ASPSCR1: variants seen among roughly 807,000 people sequenced by gnomAD.
ASPSCR1 encodes tether containing UBX domain for GLUT4.
A neutral mutation model predicts 68.9 loss-of-function variants in ASPSCR1; 55 were observed. The observed-to-expected ratio is 0.80, with a 90% CI of 0.64 to 1.00. ASPSCR1 has a LOEUF of 1.00. Among genes scored for constraint, ASPSCR1 ranks in the 50% least tolerant of loss-of-function variants. ASPSCR1 has a pLI of 0.00. For synonymous variants in ASPSCR1, 352 were observed against 332.6 expected, an observed-to-expected ratio of 1.06 and a Z score of -0.63; for missense variants, 765 against 762.2, an observed-to-expected ratio of 1.00 and a Z score of -0.04.
At chr17:82,012,040 G>GC (rs1435933369) in intron 11 of ASPSCR1, 191 bp from the exon 12 acceptor site, 9 of 732,756 alleles carry the variant, frequency 1.2e-5, no homozygotes, top group South Asian at 6.3e-5. Flanking sequence ...AGGTGGGCCT[G>GC]CCCCCCACCG....
At position 81,990,291 on chromosome 17, in the gene ASPSCR1, G is replaced by C. The variant is rs746600244; in HGVS notation, c.375-4530G>C. Reference sequence around the variant, plus strand: ...GCATCTCGGTCTGGGCCGGGTCCTCGTGGACTGGGCGCTCTCCACTCTGCT... The same window carrying C: ...GCATCTCGGTCTGGGCCGGGTCCTCCTGGACTGGGCGCTCTCCACTCTGCT... On this transcript the variant is annotated intron_variant, in intron 4 of 15. Coordinates refer to ENST00000306739, the MANE Select transcript of ASPSCR1 (RefSeq NM_024083.4). This position sits in a 1 kb window ranked among gnomAD's most constrained non-coding sequence, Gnocchi z 4.1. 6.6e-6 allele frequency among the ~76,000 whole-genome samples: 1 copy of C among 152,202 alleles called. No homozygotes were observed. Among genetic ancestry groups the C allele is most frequent in the Non-Finnish European group, 1.5e-5 (1 of 68,050 alleles).
At chr17:82,016,648 C>T (rs1204510674) in intron 13 of ASPSCR1, 121 bp downstream of exon 13, 9 of 1,451,858 alleles carry the variant, frequency 6.2e-6, no homozygotes, top group Admixed American at 6.0e-5. Context: ...GGGAGATCTG[C>T]GGCCCCCAGT....
intron 3 of ASPSCR1, among the ~76,000 whole-genome samples, chr17:81,985,019 G>A (rs867219283): frequency 8.0e-4 from 20 of 24,864 alleles, no homozygotes; most frequent in African/African-American, 2.3e-3. Context: ...TGCACACACC[G>A]CCCACACCAA....
rs1056293443 is a variant in ASPSCR1, at chr17:81,983,451, G to C, written c.159-103G>C. 1 of 945,110 alleles carries C rather than the reference G, an allele frequency of 1.1e-6. No individual in the cohort carries two copies. The highest frequency in any genetic ancestry group is 2.1e-5 in the Admixed American group (1 of 48,456). The allele number at this position is 945,110 out of a possible 1,614,324, so 58.5% of individuals were successfully genotyped here. A position where few individuals can be genotyped will look rare whatever the true frequency, so the allele number is the denominator to read the frequency against. Reference sequence around the variant, plus strand: ...TGCCACAGGACGTGGATGGCGGGGCGTGGATGGCGGGGCGTGGATGGTGGG... The same window carrying C: ...TGCCACAGGACGTGGATGGCGGGGCCTGGATGGCGGGGCGTGGATGGTGGG... On this transcript the variant is annotated intron_variant, in intron 2 of 15. Coordinates refer to ENST00000306739, the MANE Select transcript of ASPSCR1 (RefSeq NM_024083.4). This position sits in a 1 kb window ranked among gnomAD's most constrained non-coding sequence, Gnocchi z 4.4.
At chr17:82,016,343 G>C (rs189941405) in intron 12 of ASPSCR1, 133 bp from the exon 13 acceptor site, 2 of 776,166 alleles carry the variant, frequency 2.6e-6, no homozygotes, top group Admixed American at 2.9e-5. Flanking sequence ...CTGGGCGATG[G>C]GCTCATGGGG....
intron 7 of ASPSCR1, among the ~76,000 whole-genome samples, chr17:82,004,170 A>G (rs1162353208): frequency 6.6e-6 from 1 of 152,090 alleles, no homozygotes; most frequent in East Asian, 1.9e-4. Context: ...TGGCGCCCTC[A>G]CCCTGCAGCC....
chr17:81,996,741 T>A lies in ASPSCR1; in HGVS notation c.828T>A (p.Pro276=), dbSNP rs2042356904. The stretch of plus-strand genomic sequence containing the variant: ...AGTTGCCGAAGTCCCTCTCCAGCCC[T>A]GGAGGCCCCTCCAAGCCAAAGAAGT... The part of the protein sequence containing the change: ...SAKLPKSLSS[P]GGPSKPKKSK... The change falls in exon 7 of 16, where the codon CCT becomes CCA. Residue 276 remains proline (P), a synonymous_variant. Coordinates refer to ENST00000306739, the MANE Select transcript of ASPSCR1 (RefSeq NM_024083.4). The A allele has an allele frequency of 6.2e-7, 1 of 1,613,252 alleles. No individual in the cohort carries two copies. Among genetic ancestry groups the A allele is most frequent in the Non-Finnish European group, 8.5e-7 (1 of 1,179,966 alleles).
At chr17:81,992,490 C>T (rs567436515) in intron 4 of ASPSCR1, among the ~76,000 whole-genome samples, 4 of 152,334 alleles carry the variant, frequency 2.6e-5, no homozygotes, top group East Asian at 1.9e-4. Context: ...CGGTCAGTGC[C>T]GGGGAAGGAC....
intron 4 of ASPSCR1, among the ~76,000 whole-genome samples, chr17:81,991,667 CCCCAGGCTCT>C (rs963823896): frequency 1.3e-5 from 2 of 152,354 alleles, no homozygotes; most frequent in South Asian, 4.1e-4. Context: ...CCGGAGCCTG[CCCCAGGCTCT>C]CCCAGGCTCT....
chr17:81,981,567 C>G (rs747567869), intron 2 of ASPSCR1, among the ~76,000 whole-genome samples: 1 of 152,040 alleles, frequency 6.6e-6, no homozygotes, highest in African/African-American at 2.4e-5. Context: ...TTAGTAGGGA[C>G]GGGGTTTCAC....
intron 7 of ASPSCR1, 82 bp downstream of exon 7, chr17:81,996,928 T>C: frequency 6.6e-7 from 1 of 1,512,042 alleles, no homozygotes; most frequent in Non-Finnish European, 8.8e-7. Flanking sequence ...CTGGTCAGCC[T>C]GGTGGCGTGG....
At chr17:81,996,918 C>T in intron 7 of ASPSCR1, 72 bp downstream of exon 7, 2 of 1,514,714 alleles carry the variant, frequency 1.3e-6, no homozygotes, top group Non-Finnish European at 1.8e-6. Flanking sequence ...GTGGCTTTAG[C>T]TGGTCAGCCT....
intron 4 of ASPSCR1, among the ~76,000 whole-genome samples, chr17:81,989,069 G>A (rs2042083408): frequency 6.6e-6 from 1 of 152,238 alleles, no homozygotes; most frequent in African/African-American, 2.4e-5. Flanking sequence ...GCAGCTGGGT[G>A]TGGTGGTGAG....
In ASPSCR1 at chr17:82,016,707, C is replaced by T. The variant is rs1385606763; in HGVS notation, c.1406-93C>T. 7 of 1,489,452 alleles carry T rather than the reference C, an allele frequency of 4.7e-6. No homozygotes were observed. In the South Asian group the frequency reaches 4.8e-5, roughly 10 times the overall value. The allele number at this position is 1,489,452 out of a possible 1,614,324, so 92.3% of individuals were successfully genotyped here. A position where few individuals can be genotyped will look rare whatever the true frequency, so the allele number is the denominator to read the frequency against. On this transcript the variant is annotated intron_variant, in intron 13 of 15. Transcript: ENST00000306739. Reference sequence around the variant, plus strand: ...GGGACAGCCACCTGCTGGCCACCCCCCTCCCAGAGCTGAGTGCTGGTGGGC... The same window carrying T: ...GGGACAGCCACCTGCTGGCCACCCCTCTCCCAGAGCTGAGTGCTGGTGGGC...
Position 81,994,875 on chromosome 17 carries a change from T to C in ASPSCR1, c.429T>C (p.Asp143=). 6.2e-7 allele frequency: 1 copy of C among 1,611,598 alleles called. No homozygotes were observed. The highest frequency in any genetic ancestry group is 8.5e-7 in the Non-Finnish European group (1 of 1,178,938). Residue 143 remains aspartate, a synonymous_variant, in exon 5 of 16, where the codon GAT becomes GAC. Transcript: ENST00000306739. ...GATPVCVYTR[D]EVTGEAALRG... is the part of the protein sequence containing the mutation. ...CCCCAGTCTGCGTGTACACGAGGGA[T>C]GAGGTAGGCGGCCTGCTCTTGCTCA...
intron 4 of ASPSCR1, among the ~76,000 whole-genome samples, chr17:81,993,637 G>A (rs573127607): frequency 2.6e-5 from 4 of 152,358 alleles, no homozygotes; most frequent in African/African-American, 7.2e-5. Context: ...TCCTGTCCCA[G>A]CATCCCGCTC....
At chr17:81,980,457 C>T (rs1704394177) in intron 2 of ASPSCR1, among the ~76,000 whole-genome samples, 1 of 152,250 alleles carries the variant, frequency 6.6e-6, no homozygotes, top group Non-Finnish European at 1.5e-5. Context: ...GTGAGAATCC[C>T]AGGACCTGTG....
chr17:82,010,542 A>AAC (rs1290243051), intron 9 of ASPSCR1, among the ~76,000 whole-genome samples: 2 of 150,756 alleles, frequency 1.3e-5, no homozygotes, highest in African/African-American at 4.9e-5. Flanking sequence ...AAAAAAAAAA[A>AAC]AAAAAAAAAA....
chr17:82,009,039 C>A lies in ASPSCR1; in HGVS notation c.936C>A (p.Pro312=), dbSNP rs1485184627. ...TCAGCCGCGCCCTCTGCCTCCAGCCCGTGGACCGGGAGCCCGTGGACCGGG... is the reference window on the plus strand; with the variant it reads ...TCAGCCGCGCCCTCTGCCTCCAGCCAGTGGACCGGGAGCCCGTGGACCGGG... ...DPQQEQERER[P]VDREPVDREP... Residue 312 remains proline, a splice_region_variant and synonymous_variant, in exon 8 of 16, where the codon CCC becomes CCA. Transcript: ENST00000306739. The A allele has an allele frequency of 6.5e-7, 1 of 1,535,424 alleles. No homozygotes were observed. The highest frequency in any genetic ancestry group is 2.6e-5 in the East Asian group (1 of 39,106).
Sources: gnomAD v4.1 joint callset for allele counts (sites outside exome capture counted in the v4.1 genomes callset) on GRCh38, gnomAD v4.1.1 for gene constraint, Gnocchi (gnomAD v3.1) non-coding constraint, MANE v1.5 for transcripts, NCBI Gene and HGNC (gene_info 2026-07-23, HGNC 2026-07-21) for gene names.